RNF144A: variants seen among roughly 807,000 people sequenced by gnomAD.
RNF144A encodes the protein E3 ubiquitin-protein ligase RNF144A.
Under a neutral mutation model 38.7 loss-of-function variants are expected in RNF144A, and 11 were observed. That is an observed-to-expected ratio of 0.28 (90% confidence interval 0.18 to 0.47). The LOEUF (loss-of-function observed/expected upper bound fraction) is 0.47, where lower values mean the gene tolerates loss of function less well. Ranked by LOEUF, RNF144A falls within the 20% of genes least tolerant of loss-of-function variation. The pLI is 0.99. For synonymous variants in RNF144A, 149 were observed against 143.9 expected, an observed-to-expected ratio of 1.04 and a Z score of -0.25; for missense variants, 316 against 377.2, an observed-to-expected ratio of 0.84 and a Z score of 1.34.
At chr2:6,947,336 G>A (rs769837746) in intron 2 of RNF144A, among the ~76,000 whole-genome samples, 3 of 151,862 alleles carry the variant, frequency 2.0e-5, no homozygotes, top group Non-Finnish European at 4.4e-5. Context: ...ATGGTAACAA[G>A]CTATTTCAAA....
chr2:7,022,955 T>C (rs1671634936), intron 6 of RNF144A, among the ~76,000 whole-genome samples: 1 of 152,252 alleles, frequency 6.6e-6, no homozygotes, highest in Admixed American at 6.5e-5. Context: ...CAGTAACAGT[T>C]GTTAATAATA....
At chr2:6,939,145 T>C (rs913721344) in intron 1 of RNF144A, among the ~76,000 whole-genome samples, 2 of 152,194 alleles carry the variant, frequency 1.3e-5, no homozygotes, top group African/African-American at 4.8e-5. Context: ...GTTCAACACT[T>C]TGAGGAGCTG....
chr2:6,994,621 A>G (rs1380086840), intron 2 of RNF144A, among the ~76,000 whole-genome samples: 2 of 152,106 alleles, frequency 1.3e-5, no homozygotes, highest in African/African-American at 4.8e-5. Context: ...GAGCCGTGTG[A>G]CGCCTCCAAT....
intron 6 of RNF144A, among the ~76,000 whole-genome samples, chr2:7,056,116 T>C (rs928142051): frequency 2.0e-5 from 3 of 152,174 alleles, no homozygotes. Flanking sequence ...ATGACTTTAT[T>C]TCTCTGTGGT....
At chr2:7,024,936 G>A (rs764332166) in intron 7 of RNF144A, among the ~76,000 whole-genome samples, 5 of 152,182 alleles carry the variant, frequency 3.3e-5, no homozygotes, top group South Asian at 2.1e-4. Flanking sequence ...ATTTGGCTCC[G>A]GGGTTCCTGA....
chr2:6,953,395 T>C (rs116457417), intron 2 of RNF144A, among the ~76,000 whole-genome samples: 1,853 of 152,280 alleles, frequency 0.012, 41 homozygotes, highest in African/African-American at 0.042. Context: ...TGCCACTGCA[T>C]TGCAGTCTGG....
chr2:6,948,960 G>A (rs1666506225), intron 2 of RNF144A, among the ~76,000 whole-genome samples: 1 of 152,196 alleles, frequency 6.6e-6, no homozygotes, highest in Non-Finnish European at 1.5e-5. Context: ...GTCCATTGGT[G>A]GACGAGGTCA....
rs1408579104 is a variant in RNF144A, at chr2:7,062,526, TAGAA to T, written c.735-5686_735-5683del. Among the ~76,000 whole-genome samples the T allele has an allele frequency of 8.6e-5, 11 of 128,572 alleles. No individual in the cohort carries two copies. In the East Asian group the frequency reaches 2.5e-3, roughly 29 times the overall value. 84.3% of individuals were successfully genotyped at this position (128,572 alleles called of 152,430 possible). A position where few individuals can be genotyped will look rare whatever the true frequency, so the allele number is the denominator to read the frequency against. Reference sequence around the variant, plus strand: ...AAAAAAAAAAAAAAAAAGAAAGAAATAGAAAGAGGGCCTTCAATATCAATAGAGA... The same window carrying T: ...AAAAAAAAAAAAAAAAAGAAAGAAATAGAGGGCCTTCAATATCAATAGAGA... On this transcript the variant is annotated intron_variant, in intron 6 of 6. Coordinates refer to the RNF144A transcript ENST00000432850.
chr2:6,960,842 G>C (rs1667289387), intron 2 of RNF144A, among the ~76,000 whole-genome samples: 1 of 152,126 alleles, frequency 6.6e-6, no homozygotes, highest in Non-Finnish European at 1.5e-5. Flanking sequence ...TAAGTGGTTT[G>C]TTTACTTCCT....
At chr2:6,994,581 C>T (rs1030708699) in intron 2 of RNF144A, among the ~76,000 whole-genome samples, 1 of 152,098 alleles carries the variant, frequency 6.6e-6, no homozygotes, top group Non-Finnish European at 1.5e-5. Flanking sequence ...GGGAGGACGC[C>T]TTGATGTCTG....
intron 3 of RNF144A, among the ~76,000 whole-genome samples, chr2:7,005,914 ACT>A (rs1036142306): frequency 1.5e-5 from 2 of 130,788 alleles, no homozygotes; most frequent in African/African-American, 5.9e-5. Context: ...CATATCTGCC[ACT>A]CTTTTTTTTT....
At chr2:6,981,119 T>A (rs1048904048) in intron 2 of RNF144A, among the ~76,000 whole-genome samples, 1 of 152,170 alleles carries the variant, frequency 6.6e-6, no homozygotes, top group South Asian at 2.1e-4. Context: ...AAACCATTTT[T>A]TCCTTCTACA....
At chr2:6,996,792 A>C in intron 2 of RNF144A, 124 bp from the exon 3 acceptor site, 3 of 914,490 alleles carry the variant, frequency 3.3e-6, no homozygotes, top group Non-Finnish European at 3.3e-6. Context: ...CAGATGCTCT[A>C]GGCTCCATCA....
At chr2:6,969,212 G>A (rs1667851210) in intron 2 of RNF144A, among the ~76,000 whole-genome samples, 2 of 152,278 alleles carry the variant, frequency 1.3e-5, no homozygotes, top group South Asian at 2.1e-4. Context: ...CTTAAAATTT[G>A]TATGTTGGAA....
chr2:6,943,592 T>G lies in RNF144A; in HGVS notation c.-12+2445T>G, dbSNP rs548509886. On this transcript the variant is annotated intron_variant, in intron 2 of 8. Transcript: ENST00000320892. The surrounding 1 kb of genome is among the most constrained non-coding windows in gnomAD (Gnocchi z 4.3). ...AGAGTGAAATATTGATTGTGTGGGA[T>G]GGAGGGCTGCTGAAAACACTTCTTG... Among the ~76,000 whole-genome samples the G allele has an allele frequency of 2.6e-5, 4 of 152,202 alleles. No individual in the cohort carries two copies. Among genetic ancestry groups the G allele is most frequent in the Non-Finnish European group, 4.4e-5 (3 of 68,000 alleles).
At position 6,978,071 on chromosome 2, in the gene RNF144A, C is replaced by T. The variant is rs76345322; in HGVS notation, c.-11-18845C>T. Among the ~76,000 whole-genome samples, 85 of 152,262 alleles carry T rather than the reference C, an allele frequency of 5.6e-4. 1 individual carries two copies. The highest frequency in any genetic ancestry group is 1.9e-3 in the African/African-American group (78 of 41,534). Reference sequence around the variant, plus strand: ...TCACAGCCTCACTCCTCATCCTCAACAGGGGCTAGTAGACCAGGAGAGGAG... The same window carrying T: ...TCACAGCCTCACTCCTCATCCTCAATAGGGGCTAGTAGACCAGGAGAGGAG... On this transcript the variant is annotated intron_variant, in intron 2 of 8. Transcript: ENST00000320892.
At chr2:7,058,731 A>G (rs1160874928) in intron 6 of RNF144A, among the ~76,000 whole-genome samples, 1 of 152,246 alleles carries the variant, frequency 6.6e-6, no homozygotes, top group Non-Finnish European at 1.5e-5. Context: ...TCAGAATCCA[A>G]TAAAGGTGAA....
At chr2:7,056,353 C>T (rs1354394244) in intron 6 of RNF144A, among the ~76,000 whole-genome samples, 1 of 152,198 alleles carries the variant, frequency 6.6e-6, no homozygotes, top group East Asian at 1.9e-4. Flanking sequence ...ATGCTACCAT[C>T]AATTTCTCAG....
At chr2:6,945,969 G>A (rs1326367451) in intron 2 of RNF144A, among the ~76,000 whole-genome samples, 1 of 152,132 alleles carries the variant, frequency 6.6e-6, no homozygotes. Context: ...GGTAGAATCT[G>A]TCTCCTGGGC....
Sources: gnomAD v4.1 joint callset for allele counts (sites outside exome capture counted in the v4.1 genomes callset) on GRCh38, gnomAD v4.1.1 for gene constraint, Gnocchi (gnomAD v3.1) non-coding constraint, MANE v1.5 for transcripts, NCBI Gene and HGNC (gene_info 2026-07-23, HGNC 2026-07-21) for gene names.